VWF: variants seen among roughly 807,000 people sequenced by gnomAD.
VWF encodes Factor VIII related antigen.
VWF carries 176 observed loss-of-function variants against 308.6 expected under a neutral mutation model. That is an observed-to-expected ratio of 0.57 (90% CI 0.50 to 0.65). The LOEUF (loss-of-function observed/expected upper bound fraction) is 0.65, where lower values mean the gene tolerates loss of function less well. VWF is among the 30% of genes least tolerant of loss of function. The pLI is 0.00. For synonymous variants in VWF, 1,385 were observed against 1,443.4 expected (o/e 0.96, Z 0.92); for missense variants, 3,146 against 3,648.2 (o/e 0.86, Z 3.55).
intron 37 of VWF, among the ~76,000 whole-genome samples, 198 bp downstream of exon 37, chr12:5,993,664 T>TACACAC (rs200279604): frequency 1.2e-4 from 18 of 144,116 alleles, no homozygotes; most frequent in Admixed American, 4.9e-4. Context: ...TATATATATA[T>TACACAC]ACACACACAC....
intron 35 of VWF, among the ~76,000 whole-genome samples, chr12:5,995,538 A>T (rs1385157851): frequency 6.6e-6 from 1 of 152,116 alleles, no homozygotes; most frequent in Non-Finnish European, 1.5e-5. Flanking sequence ...TTAATCAATC[A>T]TTTATATATA....
At chr12:6,090,863 G>A (rs182662294) in intron 6 of VWF, among the ~76,000 whole-genome samples, 51 of 152,290 alleles carry the variant, frequency 3.3e-4, no homozygotes, top group African/African-American at 8.4e-4. Context: ...CTCACGCCGA[G>A]GCCCAGGGTG....
chr12:6,077,301 C>T (rs1211322616), intron 6 of VWF, among the ~76,000 whole-genome samples: 3 of 152,128 alleles, frequency 2.0e-5, no homozygotes, highest in Non-Finnish European at 2.9e-5. Context: ...GGTGACAGAG[C>T]GAGACCCTGT....
chr12:6,123,636 G>T (rs999246850), intron 1 of VWF, among the ~76,000 whole-genome samples: 6 of 152,146 alleles, frequency 3.9e-5, no homozygotes, highest in African/African-American at 1.2e-4. Flanking sequence ...GAATGCTCAG[G>T]AACCACCAAC....
At chr12:6,117,420 G>A (rs1016484634) in intron 3 of VWF, among the ~76,000 whole-genome samples, 1 of 152,212 alleles carries the variant, frequency 6.6e-6, no homozygotes, top group African/African-American at 2.4e-5. Flanking sequence ...AAATGCCTGG[G>A]GGCCCAGCAG....
rs1368072612 is a variant in VWF at position 5,994,482 on chromosome 12, T to C, written c.6189A>G (p.Pro2063=). ...GCTGCAGTTGGAACTCATTGTTTTGTGGAGTGAATGTGAAGATGTGACCAA... is the reference window on the plus strand; with the variant it reads ...GCTGCAGTTGGAACTCATTGTTTTGCGGAGTGAATGTGAAGATGTGACCAA... ...NHLGHIFTFT[P]QNNEFQLQLS... is the part of the protein sequence containing the mutation. The change falls in exon 36 of 52, where the codon CCA becomes CCG. Residue 2063 remains proline, a synonymous_variant. Transcript: ENST00000261405. 1.2e-6 allele frequency: 2 copies of C among 1,614,154 alleles called. No individual in the cohort carries two copies. The highest frequency in any genetic ancestry group is 1.7e-6 in the Non-Finnish European group (2 of 1,180,016).
In VWF at chr12:6,075,591, G is replaced by C. The variant is rs1944833881; in HGVS notation, c.658-40C>G. On this transcript the variant is annotated intron_variant, in intron 6 of 51. Coordinates refer to ENST00000261405, the MANE Select transcript of VWF (RefSeq NM_000552.5). The surrounding 1 kb of genome is among the most constrained non-coding windows in gnomAD (Gnocchi z 4.7). ...GCCGCCTCAGCGGTATGCTCCGTTA[G>C]TGTCTCCCTGAGTGTGGCACTGAGA... 1 of 1,588,640 alleles carries C rather than the reference G, an allele frequency of 6.3e-7. No homozygotes were observed. Among genetic ancestry groups the C allele is most frequent in the African/African-American group, 1.3e-5 (1 of 74,274 alleles).
intron 7 of VWF, 85 bp from the exon 8 acceptor site, chr12:6,073,826 C>T (rs984580197): frequency 1.4e-5 from 22 of 1,591,780 alleles, no homozygotes; most frequent in African/African-American, 9.4e-5. Context: ...CTGAGCCTCT[C>T]GTGCCCACTC....
At chr12:5,959,063 T>C (rs1943281875) in intron 47 of VWF, among the ~76,000 whole-genome samples, 2 of 151,888 alleles carry the variant, frequency 1.3e-5, no homozygotes, top group African/African-American at 2.4e-5. Flanking sequence ...AAAAATTAGT[T>C]GGACATGGTG....
intron 16 of VWF, among the ~76,000 whole-genome samples, chr12:6,050,645 T>C (rs1944498431): frequency 6.6e-6 from 1 of 152,204 alleles, no homozygotes; most frequent in African/African-American, 2.4e-5. Flanking sequence ...GTTTAGTCCC[T>C]AGACTTCTGC....
At chr12:6,106,985 C>G (rs895163201) in intron 5 of VWF, among the ~76,000 whole-genome samples, 1 of 151,638 alleles carries the variant, frequency 6.6e-6, no homozygotes, top group African/African-American at 2.4e-5. Context: ...TTTACACTGG[C>G]TTTGTTCATA....
At chr12:5,958,862 T>G (rs1456851276) in intron 47 of VWF, among the ~76,000 whole-genome samples, 1 of 152,132 alleles carries the variant, frequency 6.6e-6, no homozygotes, top group Non-Finnish European at 1.5e-5. Context: ...GTTATCTTGG[T>G]CCATTGTTGC....
At chr12:5,976,288 C>T (rs746861474) in intron 42 of VWF, 28 bp from the exon 43 acceptor site, 1 of 1,614,134 alleles carries the variant, frequency 6.2e-7, no homozygotes, top group East Asian at 2.2e-5. Context: ...CGTGAGTGAA[C>T]TCATTTGTTT....
chr12:6,093,815 G>A (rs144144282), intron 6 of VWF, among the ~76,000 whole-genome samples: 1 of 152,218 alleles, frequency 6.6e-6, no homozygotes, highest in South Asian at 2.1e-4. Context: ...CCTGTGGCAG[G>A]TGAAGGCAGA....
At position 6,009,926 on chromosome 12, in the gene VWF, G is replaced by A. The variant is rs572151392; in HGVS notation, c.5842+1691C>T. ...CCACTTACAGGAGGTATCTAAAATC[G>A]TCAAATTCATAGAAGCAAAAAGCAG... On this transcript the variant is annotated intron_variant, in intron 34 of 51. Transcript: ENST00000261405. 8.5e-5 allele frequency among the ~76,000 whole-genome samples: 13 copies of A among 152,268 alleles called. No individual in the cohort carries two copies. In the South Asian group the frequency reaches 1.2e-3, roughly 15 times the overall value.
chr12:6,075,599 C>T lies in VWF; in HGVS notation c.658-48G>A. On this transcript the variant is annotated intron_variant, in intron 6 of 51. Coordinates refer to ENST00000261405, the MANE Select transcript of VWF (RefSeq NM_000552.5). The surrounding 1 kb of genome is among the most constrained non-coding windows in gnomAD (Gnocchi z 4.7). ...AGCGGTATGCTCCGTTAGTGTCTCC[C>T]TGAGTGTGGCACTGAGACTTAGCCC... 1 of 1,577,960 alleles carries T rather than the reference C, an allele frequency of 6.3e-7. No individual in the cohort carries two copies.
At chr12:5,970,568 C>T (rs1473678371) in intron 44 of VWF, among the ~76,000 whole-genome samples, 1 of 152,058 alleles carries the variant, frequency 6.6e-6, no homozygotes, top group East Asian at 1.9e-4. Flanking sequence ...AGCAGAAGCA[C>T]TAAAAGGTGG....
chr12:6,057,630 C>A (rs1383257097), intron 14 of VWF, among the ~76,000 whole-genome samples: 1 of 148,704 alleles, frequency 6.7e-6, no homozygotes, highest in African/African-American at 2.5e-5. Flanking sequence ...TTTTCTTTCC[C>A]GGGGGTTGGC....
intron 31 of VWF, 50 bp downstream of exon 31, chr12:6,016,039 T>C: frequency 6.2e-7 from 1 of 1,612,794 alleles, no homozygotes; most frequent in East Asian, 2.2e-5. Context: ...TCCTCTATCA[T>C]TTCTGAAGTC....
Sources: allele counts gnomAD v4.1 joint callset (sites outside exome capture counted in the v4.1 genomes callset), GRCh38; gene constraint gnomAD v4.1.1; non-coding constraint Gnocchi (gnomAD v3.1); transcripts MANE v1.5; gene names NCBI Gene and HGNC (gene_info 2026-07-23, HGNC 2026-07-21).